ZBTB47: variants seen among roughly 807,000 people sequenced by gnomAD.
ZBTB47 encodes zinc finger and BTB domain-containing protein 47.
ZBTB47 carries 24 observed loss-of-function variants against 56.6 expected under a neutral mutation model. That is an observed-to-expected ratio of 0.42 (90% CI 0.31 to 0.60). The LOEUF is 0.60. ZBTB47 is among the 20% of genes least tolerant of loss of function. The pLI is 0.14. For missense variants in ZBTB47, 829 were observed against 1,032.6 expected (o/e 0.80, Z 2.70); for synonymous variants, 414 against 418.9 (o/e 0.99, Z 0.14).
rs1710683402 is a variant in ZBTB47, at chr3:42,659,390, T to G, written c.1035T>G (p.Ser345=). The G allele has an allele frequency of 1.0e-6, 1 of 966,560 alleles. No homozygotes were observed. Among genetic ancestry groups the G allele is most frequent in the Non-Finnish European group, 1.2e-6 (1 of 804,972 alleles). The allele number at this position is 966,560 out of a possible 1,614,324, so 59.9% of individuals were successfully genotyped here. A position where few individuals can be genotyped will look rare whatever the true frequency, so the allele number is the denominator to read the frequency against. The stretch of plus-strand genomic sequence containing the variant: ...CTAGTGAGCAGGATCAAGAGAGCTC[T>G]GAGGAGGAGGAGGGGGAGGAGGGGG... ...EGPSEQDQES[S]EEEEGEEGEA... The change falls in exon 2 of 6, where the codon TCT becomes TCG. Residue 345 remains serine (S), a synonymous_variant. Transcript: ENST00000232974.
chr3:42,658,766 C>T lies in ZBTB47; in HGVS notation c.411C>T (p.Pro137=). The T allele has an allele frequency of 6.5e-7, 1 of 1,532,074 alleles. No individual in the cohort carries two copies. Among genetic ancestry groups the T allele is most frequent in the Non-Finnish European group, 8.7e-7 (1 of 1,144,658 alleles). The allele number at this position is 1,532,074 out of a possible 1,614,324, so 94.9% of individuals were successfully genotyped here. Residue 137 remains proline, a synonymous_variant, in exon 2 of 6, where the codon CCC becomes CCT. Transcript: ENST00000232974. Reference sequence around the variant, plus strand: ...CCAGCTGCACTCCAGCTGCGCCGCCCTACTACTGTGACATCAAGCAGGAGG... The same window carrying T: ...CCAGCTGCACTCCAGCTGCGCCGCCTTACTACTGTGACATCAAGCAGGAGG... ...PAASCTPAAP[P]YYCDIKQEAD... is the part of the protein sequence containing the mutation.
At chr3:42,662,366 G>A (rs1307090854) in intron 3 of ZBTB47, among the ~76,000 whole-genome samples, 1 of 152,232 alleles carries the variant, frequency 6.6e-6, no homozygotes, top group Non-Finnish European at 1.5e-5. Flanking sequence ...GGGACCCTGC[G>A]GCCTAGGTCT....
In ZBTB47 at chr3:42,663,961, C is replaced by T. The variant is rs1177704860; in HGVS notation, c.1882+20C>T. Reference sequence around the variant, plus strand: ...ACACAGGTGCGGCTGCCCCTGGGGACGGAGCTCGGTGCCGGGCCTGGGACC... The same window carrying T: ...ACACAGGTGCGGCTGCCCCTGGGGATGGAGCTCGGTGCCGGGCCTGGGACC... On this transcript the variant is annotated intron_variant, in intron 5 of 5. Coordinates refer to ENST00000232974, the MANE Select transcript of ZBTB47 (RefSeq NM_145166.4). The surrounding 1 kb of genome is among the most constrained non-coding windows in gnomAD (Gnocchi z 5.1). 6.2e-6 allele frequency: 10 copies of T among 1,600,752 alleles called. No homozygotes were observed. In the South Asian group the frequency reaches 6.7e-5, roughly 11 times the overall value.
In ZBTB47 at chr3:42,664,676, G is replaced by A. The variant is rs1334956531; in HGVS notation, c.*78G>A. The A allele has an allele frequency of 3.0e-6, 4 of 1,350,446 alleles. No homozygotes were observed. The African/African-American group carries it at 4.6e-5, about 16-fold the overall frequency. 83.7% of individuals were successfully genotyped at this position (1,350,446 alleles called of 1,614,324 possible). On this transcript the variant is annotated 3_prime_UTR_variant, in exon 6 of 6. Coordinates refer to ENST00000232974, the MANE Select transcript of ZBTB47 (RefSeq NM_145166.4). ...AGGAGGGACCCACTGCCTTCCCGGG[G>A]AGCACAGTAGTGCGGGCCTGGGCCC... is the stretch of plus-strand genomic sequence containing the variant.
rs1386092690 is a variant in ZBTB47 at position 42,654,961 on chromosome 3, C to T, written c.-82+1078C>T. Among the ~76,000 whole-genome samples, 1 of 151,956 alleles carries T rather than the reference C, an allele frequency of 6.6e-6. No homozygotes were observed. Among genetic ancestry groups the T allele is most frequent in the Non-Finnish European group, 1.5e-5 (1 of 67,938 alleles). ...AGGCACCGGCGAAGGGGGGCGCTCC[C>T]CTGCGCCCGGACGGCGCCGCCCTCG... On this transcript the variant is annotated intron_variant, in intron 1 of 5. Transcript: ENST00000232974. The surrounding 1 kb of genome is among the most constrained non-coding windows in gnomAD (Gnocchi z 5.0).
Position 42,659,100 on chromosome 3 carries a change from A to G in ZBTB47, c.745A>G (p.Thr249Ala). 1 of 1,499,676 alleles carries G rather than the reference A, an allele frequency of 6.7e-7. No individual in the cohort carries two copies. Among genetic ancestry groups the G allele is most frequent in the Non-Finnish European group, 8.9e-7 (1 of 1,127,632 alleles). 92.9% of individuals were successfully genotyped at this position (1,499,676 alleles called of 1,614,324 possible). The change falls in exon 2 of 6, where the codon ACG (threonine) becomes GCG (alanine). Residue 249 changes from threonine (T) to alanine (A), a missense_variant. Physicochemically the swap from Thr to Ala is moderately conservative, Grantham distance 58 (BLOSUM62 0). This residue lies in a region of ZBTB47 where 359 missense variants were observed against 359.8 expected (regional missense o/e 1.00). Coordinates refer to ENST00000232974, the MANE Select transcript of ZBTB47 (RefSeq NM_145166.4). Reference protein sequence around the residue: ...NLNNQTLHVSTGPEGKPGAGP... With the variant: ...NLNNQTLHVSAGPEGKPGAGP... ...CAACAACCAGACACTGCACGTGTCC[A>G]CGGGGCCAGAGGGGAAGCCAGGTGC...
rs1710742404 is a variant in ZBTB47 at position 42,663,199 on chromosome 3, G to A, written c.1737+72G>A. 1 of 1,175,592 alleles carries A rather than the reference G, an allele frequency of 8.5e-7. No homozygotes were observed. 72.8% of individuals were successfully genotyped at this position (1,175,592 alleles called of 1,614,324 possible). ...GGGGCAGGAATCAGGGAGCGCAGCTGCTGAAAAACAAAGGGCTAGGGGGTG... is the reference window on the plus strand; with the variant it reads ...GGGGCAGGAATCAGGGAGCGCAGCTACTGAAAAACAAAGGGCTAGGGGGTG... On this transcript the variant is annotated intron_variant, in intron 4 of 5. Transcript: ENST00000232974. This position sits in a 1 kb window ranked among gnomAD's most constrained non-coding sequence, Gnocchi z 5.1.
chr3:42,663,726 G>A lies in ZBTB47; in HGVS notation c.1738-71G>A, dbSNP rs112880995. On this transcript the variant is annotated intron_variant, in intron 4 of 5. Coordinates refer to ENST00000232974, the MANE Select transcript of ZBTB47 (RefSeq NM_145166.4). This position sits in a 1 kb window ranked among gnomAD's most constrained non-coding sequence, Gnocchi z 5.1. ...CCCTCCTTGGCCCTGTGGCCACAGG[G>A]GAGCTGTTCCCTCCACAAAGGCTGC... 1.3e-6 allele frequency: 2 copies of A among 1,574,140 alleles called. No individual in the cohort carries two copies. Among genetic ancestry groups the A allele is most frequent in the Non-Finnish European group, 1.7e-6 (2 of 1,152,746 alleles).
chr3:42,664,681 C>G lies in ZBTB47; in HGVS notation c.*83C>G. 1.5e-6 allele frequency: 2 copies of G among 1,343,932 alleles called. No individual in the cohort carries two copies. Among genetic ancestry groups the G allele is most frequent in the Non-Finnish European group, 1.9e-6 (2 of 1,050,476 alleles). The allele number at this position is 1,343,932 out of a possible 1,614,324, so 83.3% of individuals were successfully genotyped here. Reference sequence around the variant, plus strand: ...GGACCCACTGCCTTCCCGGGGAGCACAGTAGTGCGGGCCTGGGCCCTGCTC... The same window carrying G: ...GGACCCACTGCCTTCCCGGGGAGCAGAGTAGTGCGGGCCTGGGCCCTGCTC... On this transcript the variant is annotated 3_prime_UTR_variant, in exon 6 of 6. Transcript: ENST00000232974.
rs1710795347 is a variant in ZBTB47, at chr3:42,666,923, G to A, written c.*2325G>A. Among the ~76,000 whole-genome samples, 1 of 152,214 alleles carries A rather than the reference G, an allele frequency of 6.6e-6. No homozygotes were observed. Among genetic ancestry groups the A allele is most frequent in the South Asian group, 2.1e-4 (1 of 4,830 alleles). On this transcript the variant is annotated 3_prime_UTR_variant, in exon 6 of 6. Transcript: ENST00000232974. ...CTCCTGGGAGGCCCCTGCCCCACTG[G>A]GGATAGGAGCCTGTGTCCCTGGTGC...
chr3:42,654,858 G>A lies in ZBTB47; in HGVS notation c.-82+975G>A, dbSNP rs536194833. Among the ~76,000 whole-genome samples, 1 of 152,162 alleles carries A rather than the reference G, an allele frequency of 6.6e-6. No individual in the cohort carries two copies. The highest frequency in any genetic ancestry group is 1.5e-5 in the Non-Finnish European group (1 of 67,974). On this transcript the variant is annotated intron_variant, in intron 1 of 5. Transcript: ENST00000232974. The surrounding 1 kb of genome is among the most constrained non-coding windows in gnomAD (Gnocchi z 5.0). ...GGGTCCCGCGGGCCGGGAATGCGGC[G>A]CTGTGGCGCTGCTCTCGGTGGGGAG...
In ZBTB47 at chr3:42,665,756, G is replaced by A. The variant is rs975716839; in HGVS notation, c.*1158G>A. On this transcript the variant is annotated 3_prime_UTR_variant, in exon 6 of 6. Coordinates refer to ENST00000232974, the MANE Select transcript of ZBTB47 (RefSeq NM_145166.4). ...GCCGGTAAAGGAGCCTGCATGTTCA[G>A]GCCCCTCGGGGGATTGGGGGGACTG... The A allele has an allele frequency of 1.3e-5, 2 of 152,722 alleles. No homozygotes were observed. The highest frequency in any genetic ancestry group is 1.3e-4 in the Admixed American group (2 of 15,294). 9.5% of individuals were successfully genotyped at this position (152,722 alleles called of 1,614,324 possible).
In ZBTB47 at chr3:42,659,242, G is replaced by A. The variant is rs1025548894; in HGVS notation, c.887G>A (p.Gly296Asp). ...EEEEEEEEEG[G>D]GSGREEEEEE... is the part of the protein sequence containing the mutation. ...GAGGAAGAAGAGGAAGAGGAAGGTG[G>A]TGGCAGTGGACGGGAGGAGGAGGAG... Residue 296 changes from glycine to aspartate, a missense_variant, in exon 2 of 6, where the codon GGT becomes GAT. Transcript: ENST00000232974. The A allele has an allele frequency of 1.3e-6, 2 of 1,530,860 alleles. No individual in the cohort carries two copies. The highest frequency in any genetic ancestry group is 1.2e-5 in the South Asian group (1 of 83,232). The allele number at this position is 1,530,860 out of a possible 1,614,324, so 94.8% of individuals were successfully genotyped here.
intron 3 of ZBTB47, among the ~76,000 whole-genome samples, chr3:42,662,461 TC>T (rs1710732834): frequency 6.6e-6 from 1 of 152,190 alleles, no homozygotes; most frequent in Non-Finnish European, 1.5e-5. Context: ...ACCTACCAGA[TC>T]CTTGAAGAGT....
In ZBTB47 at chr3:42,663,999, C is replaced by T; in HGVS notation, c.1882+58C>T. ...CGGGCCTGGGACCCCTTCTCAGCCCCGCTCAGGACACCTGGAATAATCTTG... is the reference window on the plus strand; with the variant it reads ...CGGGCCTGGGACCCCTTCTCAGCCCTGCTCAGGACACCTGGAATAATCTTG... On this transcript the variant is annotated intron_variant, in intron 5 of 5. Transcript: ENST00000232974. The surrounding 1 kb of genome is among the most constrained non-coding windows in gnomAD (Gnocchi z 5.1). 2 of 1,552,516 alleles carry T rather than the reference C, an allele frequency of 1.3e-6. No individual in the cohort carries two copies. Among genetic ancestry groups the T allele is most frequent in the Non-Finnish European group, 1.7e-6 (2 of 1,145,706 alleles).
intron 2 of ZBTB47, among the ~76,000 whole-genome samples, chr3:42,661,092 TCA>T (rs1710711388): frequency 6.6e-6 from 1 of 152,182 alleles, no homozygotes; most frequent in South Asian, 2.1e-4. Context: ...TGATAATGGC[TCA>T]CTCTGTGGGA....
rs1221418087 is a variant in ZBTB47 at position 42,656,320 on chromosome 3, G to T, written c.-81-1955G>T. Among the ~76,000 whole-genome samples, 1 of 152,180 alleles carries T rather than the reference G, an allele frequency of 6.6e-6. No individual in the cohort carries two copies. Among genetic ancestry groups the T allele is most frequent in the African/African-American group, 2.4e-5 (1 of 41,450 alleles). ...AAGGCTCAGAAATCCAGCCATGTGGGGTCTAGCAAGGAAGGGGTGGTCTTA... is the reference window on the plus strand; with the variant it reads ...AAGGCTCAGAAATCCAGCCATGTGGTGTCTAGCAAGGAAGGGGTGGTCTTA... On this transcript the variant is annotated intron_variant, in intron 1 of 5. Coordinates refer to ENST00000232974, the MANE Select transcript of ZBTB47 (RefSeq NM_145166.4). The surrounding 1 kb of genome is among the most constrained non-coding windows in gnomAD (Gnocchi z 5.8).
rs11458566 is a variant in ZBTB47 at position 42,664,843 on chromosome 3, C to CTT, written c.*258_*259dup. 0.094 allele frequency: 27,872 copies of CTT among 296,626 alleles called. 1,063 individuals are homozygous for CTT. The highest frequency in any genetic ancestry group is 0.23 in the African/African-American group (9,899 of 42,686). The allele number at this position is 296,626 out of a possible 1,614,324, so 18.4% of individuals were successfully genotyped here. On this transcript the variant is annotated 3_prime_UTR_variant, in exon 6 of 6. Transcript: ENST00000232974. ...TTTCTGTGACTCCTTGAAGCCTTTACTTTTTTTTTTTTTTGGAAGTGAAGG... is the reference window on the plus strand; with the variant it reads ...TTTCTGTGACTCCTTGAAGCCTTTACTTTTTTTTTTTTTTTTGGAAGTGAAGG...
Position 42,658,278 on chromosome 3 carries a change from C to G in ZBTB47, c.-78C>G. ...CCTGTGCCCTCTGTCCCCGCAGTTG[C>G]TGGTTGAGAAGACAACTGACTCCCC... On this transcript the variant is annotated 5_prime_UTR_variant, in exon 2 of 6. Coordinates refer to ENST00000232974, the MANE Select transcript of ZBTB47 (RefSeq NM_145166.4). 1 of 1,471,692 alleles carries G rather than the reference C, an allele frequency of 6.8e-7. No individual in the cohort carries two copies. The highest frequency in any genetic ancestry group is 9.0e-7 in the Non-Finnish European group (1 of 1,114,474). 91.2% of individuals were successfully genotyped at this position (1,471,692 alleles called of 1,614,324 possible). A position where few individuals can be genotyped will look rare whatever the true frequency, so the allele number is the denominator to read the frequency against.
Sources: gnomAD v4.1 joint callset for allele counts (sites outside exome capture counted in the v4.1 genomes callset) on GRCh38, gnomAD v4.1.1 for gene constraint, gnomAD v4.1.1 regional missense constraint, Gnocchi (gnomAD v3.1) non-coding constraint, MANE v1.5 for transcripts, NCBI Gene and HGNC (gene_info 2026-07-23, HGNC 2026-07-21) for gene names.